The following OSBP2 variants were observed in gnomAD, a reference collection of about 807,000 sequenced individuals.
OSBP2 encodes the protein oxysterol binding protein 2.
Under a neutral mutation model 96.0 loss-of-function variants are expected in OSBP2, and 66 were observed. The observed-to-expected ratio is 0.69, with a 90% confidence interval of 0.56 to 0.84. OSBP2 has a LOEUF of 0.84. Among genes scored for constraint, OSBP2 ranks in the 40% least tolerant of loss-of-function variants. The pLI is 0.00. For synonymous variants in OSBP2, 525 were observed against 520.9 expected, an observed-to-expected ratio of 1.01 and a Z score of -0.11; for missense variants, 1,038 against 1,222.7, an observed-to-expected ratio of 0.85 and a Z score of 2.25.
At chr22:30,858,879 C>CAAT (rs137975802) in intron 2 of OSBP2, among the ~76,000 whole-genome samples, 18,908 of 141,168 alleles carry the variant, frequency 0.13, 1,343 homozygotes, top group East Asian at 0.28. Flanking sequence ...GACTCTGTCT[C>CAAT]AATAATAATA....
At chr22:30,716,695 C>T (rs903104992) in intron 1 of OSBP2, among the ~76,000 whole-genome samples, 1 of 152,316 alleles carries the variant, frequency 6.6e-6, no homozygotes, top group African/African-American at 2.4e-5. Flanking sequence ...GCCTCAGCTT[C>T]CCAAAATGCT....
At chr22:30,877,708 G>C (rs2039614126) in intron 3 of OSBP2, among the ~76,000 whole-genome samples, 1 of 152,236 alleles carries the variant, frequency 6.6e-6, no homozygotes, top group South Asian at 2.1e-4. Context: ...TTAGCAGCCT[G>C]TGGGCTTGTT....
At chr22:30,745,408 C>T (rs1364579596) in intron 2 of OSBP2, among the ~76,000 whole-genome samples, 2 of 152,036 alleles carry the variant, frequency 1.3e-5, no homozygotes, top group African/African-American at 2.4e-5. Context: ...GCCTGTAATC[C>T]CAGCACTTTG....
intron 2 of OSBP2, among the ~76,000 whole-genome samples, chr22:30,819,392 C>T (rs1482500234): frequency 2.0e-5 from 3 of 152,148 alleles, no homozygotes; most frequent in Admixed American, 2.0e-4. Flanking sequence ...GGTTCAGACT[C>T]ACGCATACGG....
At chr22:30,717,746 A>C (rs1275179117) in intron 1 of OSBP2, among the ~76,000 whole-genome samples, 1 of 152,214 alleles carries the variant, frequency 6.6e-6, no homozygotes, top group Non-Finnish European at 1.5e-5. Flanking sequence ...AATATGTGCC[A>C]ACATGACTCC....
chr22:30,856,796 A>T (rs1409643428), intron 2 of OSBP2, among the ~76,000 whole-genome samples: 4 of 152,036 alleles, frequency 2.6e-5, no homozygotes, highest in African/African-American at 9.7e-5. Context: ...AAAAAAAATT[A>T]TGAATTTATA....
intron 2 of OSBP2, among the ~76,000 whole-genome samples, chr22:30,749,940 A>G (rs1215393135): frequency 6.6e-6 from 1 of 152,144 alleles, no homozygotes; most frequent in Non-Finnish European, 1.5e-5. Context: ...AAGCAGAACC[A>G]GGAGTGGAAG....
Position 30,875,891 on chromosome 22 carries a change from C to T in OSBP2, c.1107+5209C>T, listed in dbSNP as rs552663863. The stretch of plus-strand genomic sequence containing the variant: ...CCCAGGCCTGTGCCAGGCAGGGACT[C>T]GCAGGGAACAGGCAATCCAGCAAAC... On this transcript the variant is annotated intron_variant, in intron 3 of 13. Transcript: ENST00000332585. Among the ~76,000 whole-genome samples the T allele has an allele frequency of 1.7e-4, 26 of 152,356 alleles. 1 individual carries two copies. Among genetic ancestry groups the T allele is most frequent in the South Asian group, 1.4e-3 (7 of 4,830 alleles).
At chr22:30,883,122 G>A (rs2039736836) in intron 3 of OSBP2, among the ~76,000 whole-genome samples, 1 of 152,220 alleles carries the variant, frequency 6.6e-6, no homozygotes, top group Non-Finnish European at 1.5e-5. Context: ...GATGGTGCAG[G>A]GATGAGGGAG....
At chr22:30,726,685 A>G (rs146695236) in intron 1 of OSBP2, among the ~76,000 whole-genome samples, 1 of 152,218 alleles carries the variant, frequency 6.6e-6, no homozygotes, top group African/African-American at 2.4e-5. Context: ...TGTGACATTC[A>G]GTGATGGGAG....
intron 12 of OSBP2, among the ~76,000 whole-genome samples, chr22:30,895,614 C>T (rs749682714): frequency 9.9e-5 from 15 of 152,246 alleles, no homozygotes; most frequent in Non-Finnish European, 1.5e-4. Flanking sequence ...CACGCAGCCT[C>T]GGAAGTTTTG....
At chr22:30,862,728 C>A (rs1014439223) in intron 2 of OSBP2, among the ~76,000 whole-genome samples, 1 of 151,810 alleles carries the variant, frequency 6.6e-6, no homozygotes, top group Non-Finnish European at 1.5e-5. Context: ...AATCCCAGCA[C>A]TTTGGGAGGC....
At chr22:30,825,807 CA>C (rs1219022882) in intron 2 of OSBP2, among the ~76,000 whole-genome samples, 1 of 152,118 alleles carries the variant, frequency 6.6e-6, no homozygotes, top group African/African-American at 2.4e-5. Context: ...TCTGCGGCCT[CA>C]AAGCACCCCT....
intron 2 of OSBP2, among the ~76,000 whole-genome samples, chr22:30,796,513 T>C (rs1258196384): frequency 1.3e-5 from 2 of 152,136 alleles, no homozygotes; most frequent in African/African-American, 2.4e-5. Flanking sequence ...TATTTATTTA[T>C]TTATTTATTT....
In OSBP2 at chr22:30,695,089, G is replaced by A. The variant is rs778884112; in HGVS notation, c.180G>A (p.Pro60=). ...PKPQPQPVPE[P]ERGPLSEQVS... is the part of the protein sequence containing the mutation. ...CCCAGCCCCAGCCCGTGCCCGAACCGGAGCGGGGACCGCTGTCAGAACAGG... is the reference window on the plus strand; with the variant it reads ...CCCAGCCCCAGCCCGTGCCCGAACCAGAGCGGGGACCGCTGTCAGAACAGG... The change falls in exon 1 of 14, where the codon CCG becomes CCA. Residue 60 remains proline (P), a synonymous_variant. Transcript: ENST00000332585. The A allele has an allele frequency of 6.3e-7, 1 of 1,579,316 alleles. No homozygotes were observed.
At chr22:30,862,190 G>A (rs2039226150) in intron 2 of OSBP2, among the ~76,000 whole-genome samples, 1 of 152,326 alleles carries the variant, frequency 6.6e-6, no homozygotes, top group Non-Finnish European at 1.5e-5. Flanking sequence ...AGCCTGGAGG[G>A]GCTGGGTCCT....
intron 1 of OSBP2, among the ~76,000 whole-genome samples, chr22:30,703,468 C>G (rs2089194972): frequency 1.3e-5 from 2 of 151,406 alleles, no homozygotes; most frequent in South Asian, 4.2e-4. Flanking sequence ...GCCACCATGC[C>G]CGGCCTTATA....
At chr22:30,696,709 A>G (rs1208941205) in intron 1 of OSBP2, among the ~76,000 whole-genome samples, 1 of 152,130 alleles carries the variant, frequency 6.6e-6, no homozygotes, top group African/African-American at 2.4e-5. Flanking sequence ...GCTGGAGTGC[A>G]GTGGTGCAAT....
intron 2 of OSBP2, among the ~76,000 whole-genome samples, chr22:30,811,974 G>C (rs2091014382): frequency 6.6e-6 from 1 of 151,794 alleles, no homozygotes; most frequent in South Asian, 2.1e-4. Flanking sequence ...TCCTGCCTCA[G>C]CCTCCGAAGT....
Sources: allele counts gnomAD v4.1 joint callset (sites outside exome capture counted in the v4.1 genomes callset), GRCh38; gene constraint gnomAD v4.1.1; transcripts MANE v1.5; gene names NCBI Gene and HGNC (gene_info 2026-07-23, HGNC 2026-07-21).